Variants in PBX3 observed in about 807,000 individuals in gnomAD.
The protein encoded by PBX3 is pre-B-cell leukemia transcription factor 3.
In PBX3, 14 loss-of-function variants were observed where a neutral mutation model predicts 48.5. The ratio of observed to expected loss-of-function variants is 0.29; its 90% CI spans 0.19 to 0.45. The LOEUF (loss-of-function observed/expected upper bound fraction) is 0.45. PBX3 is among the 20% of genes least tolerant of loss of function. The pLI is 1.00. For synonymous variants in PBX3, 210 were observed against 200.3 expected, an observed-to-expected ratio of 1.05 and a Z score of -0.41; for missense variants, 386 against 546.7, an observed-to-expected ratio of 0.71 and a Z score of 2.93.
At chr9:125,839,377 C>G (rs940896721) in intron 2 of PBX3, among the ~76,000 whole-genome samples, 1 of 152,182 alleles carries the variant, frequency 6.6e-6, no homozygotes, top group Non-Finnish European at 1.5e-5. Context: ...TTCAGAAGAT[C>G]TCTCACTTGT....
At chr9:125,814,180 G>T (rs765814150) in intron 2 of PBX3, among the ~76,000 whole-genome samples, 156 of 64,206 alleles carry the variant, frequency 2.4e-3, no homozygotes, top group Middle Eastern at 0.025. Flanking sequence ...AAAAAAAAAA[G>T]TATCCTAGGA....
intron 2 of PBX3, among the ~76,000 whole-genome samples, chr9:125,913,762 A>G (rs1469550025): frequency 6.6e-6 from 1 of 152,212 alleles, no homozygotes; most frequent in Non-Finnish European, 1.5e-5. Context: ...TTGAAGGTAG[A>G]TTAAAAAAAC....
intron 2 of PBX3, among the ~76,000 whole-genome samples, chr9:125,793,789 T>G (rs1268170881): frequency 1.3e-5 from 2 of 152,148 alleles, no homozygotes; most frequent in Non-Finnish European, 2.9e-5. Flanking sequence ...AATGAACATA[T>G]CCATCAGGCC....
chr9:125,943,976 C>T lies in PBX3; in HGVS notation c.843+8369C>T, dbSNP rs118034091. Among the ~76,000 whole-genome samples, 179 of 152,320 alleles carry T rather than the reference C, an allele frequency of 1.2e-3. 2 individuals carry two copies. In the East Asian group the frequency reaches 0.022, roughly 19 times the overall value. On this transcript the variant is annotated intron_variant, in intron 5 of 8. Coordinates refer to ENST00000373489, the MANE Select transcript of PBX3 (RefSeq NM_006195.6). The stretch of plus-strand genomic sequence containing the variant: ...CTCACTCTTCTCCCTTCCCATCTGC[C>T]GCCAGTGCCTACTATTGGCCAGAAG...
Position 125,942,956 on chromosome 9 carries a change from T to C in PBX3, c.843+7349T>C, listed in dbSNP as rs531083399. On this transcript the variant is annotated intron_variant, in intron 5 of 8. Coordinates refer to ENST00000373489, the MANE Select transcript of PBX3 (RefSeq NM_006195.6). ...TCTCTACAAACAATCAGTACCATGA[T>C]TGGTGTGGTGCTTAAAGCTTGCTCC... Among the ~76,000 whole-genome samples, 5 of 152,292 alleles carry C rather than the reference T, an allele frequency of 3.3e-5. No homozygotes were observed. The South Asian group carries it at 1.0e-3, about 32-fold the overall frequency.
chr9:125,777,963 CTTT>C (rs574844395), intron 2 of PBX3, among the ~76,000 whole-genome samples: 5 of 137,858 alleles, frequency 3.6e-5, no homozygotes, highest in East Asian at 2.1e-4. Flanking sequence ...CAAATCTTCT[CTTT>C]TTTTTTTTTT....
chr9:125,758,012 TC>T (rs1836566871), intron 2 of PBX3, among the ~76,000 whole-genome samples: 1 of 152,214 alleles, frequency 6.6e-6, no homozygotes, highest in African/African-American at 2.4e-5. Context: ...TGTCTGAATT[TC>T]CTCGTGTTCA....
At chr9:125,769,029 C>T (rs1836874130) in intron 2 of PBX3, among the ~76,000 whole-genome samples, 1 of 152,094 alleles carries the variant, frequency 6.6e-6, no homozygotes, top group Non-Finnish European at 1.5e-5. Context: ...GCTTTCCTCA[C>T]ACTTGGCATG....
At chr9:125,869,209 TATG>T (rs1292624264) in intron 2 of PBX3, among the ~76,000 whole-genome samples, 1 of 152,064 alleles carries the variant, frequency 6.6e-6, no homozygotes, top group Non-Finnish European at 1.5e-5. Flanking sequence ...GGACAATGGA[TATG>T]AAGAAATTAC....
At chr9:125,959,685 G>A (rs1842386252) in intron 5 of PBX3, among the ~76,000 whole-genome samples, 2 of 152,142 alleles carry the variant, frequency 1.3e-5, no homozygotes, top group Non-Finnish European at 2.9e-5. Flanking sequence ...TACCTTCAGG[G>A]TAGAACAGTG....
At chr9:125,904,168 G>T (rs1303191843) in intron 2 of PBX3, among the ~76,000 whole-genome samples, 2 of 151,752 alleles carry the variant, frequency 1.3e-5, no homozygotes, top group African/African-American at 4.8e-5. Context: ...GTGAGTTTTT[G>T]GTTTCCAGTC....
At chr9:125,801,323 GGTGTATCTGTCTATATAAGACACAGCACT>G (rs1837938348) in intron 2 of PBX3, among the ~76,000 whole-genome samples, 1 of 152,098 alleles carries the variant, frequency 6.6e-6, no homozygotes, top group African/African-American at 2.4e-5. Flanking sequence ...AAATTCCATT[GGTGTATCTGTCTATATAAGACACAGCACT>G]GTTTATTCTG....
intron 2 of PBX3, among the ~76,000 whole-genome samples, chr9:125,790,376 C>G (rs538516809): frequency 6.6e-6 from 1 of 151,908 alleles, no homozygotes; most frequent in Admixed American, 6.6e-5. Flanking sequence ...CTTCAGCCTC[C>G]CTAGCAGCTG....
intron 2 of PBX3, among the ~76,000 whole-genome samples, chr9:125,779,862 G>C (rs1204457627): frequency 2.0e-4 from 24 of 117,666 alleles, no homozygotes; most frequent in Middle Eastern, 4.6e-3. Flanking sequence ...CTCACCTCCC[G>C]GACGGGGCGG....
At position 125,962,963 on chromosome 9, in the gene PBX3, A is replaced by G. The variant is rs569475540; in HGVS notation, c.1123-49A>G. 10 of 979,218 alleles carry G rather than the reference A, an allele frequency of 1.0e-5. No individual in the cohort carries two copies. In the Admixed American group the frequency reaches 1.2e-4, roughly 11 times the overall value. The allele number at this position is 979,218 out of a possible 1,614,324, so 60.7% of individuals were successfully genotyped here. A position where few individuals can be genotyped will look rare whatever the true frequency, so the allele number is the denominator to read the frequency against. On this transcript the variant is annotated intron_variant, in intron 7 of 8. Transcript: ENST00000373489. ...AAATTATTTCCTTTTGTAAGTGATG[A>G]CGTTTTAATAGATTTGGGATGATGA...
chr9:125,813,649 C>T (rs1838363661), intron 2 of PBX3, among the ~76,000 whole-genome samples: 1 of 152,160 alleles, frequency 6.6e-6, no homozygotes, highest in Admixed American at 6.5e-5. Flanking sequence ...CATTATTCTT[C>T]AAGCAGTTCC....
chr9:125,843,448 C>T (rs2132235924), intron 2 of PBX3, among the ~76,000 whole-genome samples: 1 of 151,958 alleles, frequency 6.6e-6, no homozygotes, highest in South Asian at 2.1e-4. Context: ...AAGGCTTTTT[C>T]CTATTGTCTG....
chr9:125,861,423 A>C (rs1351014739), intron 2 of PBX3, among the ~76,000 whole-genome samples: 1 of 152,188 alleles, frequency 6.6e-6, no homozygotes, highest in Non-Finnish European at 1.5e-5. Context: ...ATAGTCTGTC[A>C]GTTCTTCCAA....
intron 2 of PBX3, among the ~76,000 whole-genome samples, chr9:125,893,744 G>A (rs1466337049): frequency 6.6e-6 from 1 of 152,082 alleles, no homozygotes; most frequent in East Asian, 1.9e-4. Flanking sequence ...TTCAGAATAA[G>A]CCTGAAAATA....
Sources: gnomAD v4.1 joint callset for allele counts (sites outside exome capture counted in the v4.1 genomes callset) on GRCh38, gnomAD v4.1.1 for gene constraint, MANE v1.5 for transcripts, NCBI Gene and HGNC (gene_info 2026-07-23, HGNC 2026-07-21) for gene names.